Variants in CDH18 observed in about 807,000 individuals in gnomAD.
CDH18 encodes cadherin 18, also known as cadherin-18.
A neutral mutation model predicts 67.9 loss-of-function variants in CDH18; 31 were observed. That is an observed-to-expected ratio of 0.46 (90% CI 0.34 to 0.62). The LOEUF (loss-of-function observed/expected upper bound fraction) is 0.62. Among genes scored for constraint, CDH18 ranks in the 20% least tolerant of loss-of-function variants. The pLI, the probability that CDH18 is intolerant of heterozygous loss-of-function variation, is 0.01. For missense variants in CDH18, 890 were observed against 975.5 expected (o/e 0.91, Z 1.17); for synonymous variants, 362 against 347.2 (o/e 1.04, Z -0.48).
chr5:20,196,555 T>A (rs1039726802), intron 2 of CDH18, among the ~76,000 whole-genome samples: 6 of 152,180 alleles, frequency 3.9e-5, no homozygotes, highest in African/African-American at 1.4e-4. Flanking sequence ...CAGAGAAAAA[T>A]AACTTCAACT....
intron 2 of CDH18, among the ~76,000 whole-genome samples, chr5:20,063,293 A>T (rs1051446513): frequency 2.0e-5 from 3 of 151,714 alleles, no homozygotes; most frequent in East Asian, 3.8e-4. Flanking sequence ...ATAAAACTAT[A>T]AGCCACTGTA....
intron 1 of CDH18, among the ~76,000 whole-genome samples, chr5:20,420,628 A>G (rs1747789435): frequency 6.6e-6 from 1 of 151,158 alleles, no homozygotes; most frequent in Non-Finnish European, 1.5e-5. Context: ...CAAAAGACAT[A>G]AATAAGGTCT....
intron 1 of CDH18, among the ~76,000 whole-genome samples, chr5:19,982,886 T>C (rs545273486): frequency 3.3e-5 from 5 of 151,920 alleles, no homozygotes; most frequent in Admixed American, 2.0e-4. Context: ...CTACTAATAA[T>C]ACAAAAAATT....
chr5:20,317,897 T>C (rs1173566324), intron 1 of CDH18, among the ~76,000 whole-genome samples: 1 of 152,204 alleles, frequency 6.6e-6, no homozygotes, highest in African/African-American at 2.4e-5. Flanking sequence ...TGCAATGTTC[T>C]ACTAAAAACT....
chr5:20,224,799 G>A (rs1397668918), intron 2 of CDH18, among the ~76,000 whole-genome samples: 2 of 151,968 alleles, frequency 1.3e-5, no homozygotes, highest in East Asian at 1.9e-4. Flanking sequence ...GCAAGAGTGT[G>A]CTTTGAAATG....
intron 9 of CDH18, among the ~76,000 whole-genome samples, chr5:19,538,583 G>A (rs938412428): frequency 2.6e-5 from 4 of 151,954 alleles, no homozygotes; most frequent in Non-Finnish European, 2.9e-5. Flanking sequence ...CAAAATAAAC[G>A]TTAGTGAGCT....
intron 1 of CDH18, among the ~76,000 whole-genome samples, chr5:20,560,429 T>C (rs1055849156): frequency 4.0e-5 from 6 of 150,638 alleles, no homozygotes; most frequent in Non-Finnish European, 8.9e-5. Context: ...TTAGGAATCA[T>C]CTAATGACTT....
upstream of CDH18, among the ~76,000 whole-genome samples, chr5:19,990,644 C>G (rs1799928911): frequency 6.6e-6 from 1 of 152,180 alleles, no homozygotes; most frequent in African/African-American, 2.4e-5. Flanking sequence ...GATGCATACA[C>G]ACTGGGTTTA....
chr5:19,733,126 G>A lies in CDH18; in HGVS notation c.524-11660C>T, dbSNP rs1172306452. ...AGGCAGAGAAATCCTAGGCATACCA[G>A]GGGTGGGCATCCCATGAAACCTCAT... On this transcript the variant is annotated intron_variant, in intron 4 of 12. Transcript: ENST00000382275. Among the ~76,000 whole-genome samples, 9 of 152,098 alleles carry A rather than the reference G, an allele frequency of 5.9e-5. No individual in the cohort carries two copies. In the East Asian group the frequency reaches 1.7e-3, roughly 29 times the overall value.
intron 2 of CDH18, among the ~76,000 whole-genome samples, chr5:19,906,982 T>C (rs1196942001): frequency 1.3e-5 from 2 of 151,978 alleles, no homozygotes; most frequent in Admixed American, 1.3e-4. Context: ...GAAAGATAAC[T>C]TTCAAATGAT....
chr5:20,117,038 T>TGG (rs1747982223), intron 2 of CDH18, among the ~76,000 whole-genome samples: 1 of 152,062 alleles, frequency 6.6e-6, no homozygotes, highest in African/African-American at 2.4e-5. Context: ...TGAGTGTGTG[T>TGG]GTGTGTGTGT....
chr5:19,881,432 T>C (rs1324671876), intron 2 of CDH18, among the ~76,000 whole-genome samples: 4 of 152,064 alleles, frequency 2.6e-5, no homozygotes, highest in African/African-American at 7.2e-5. Context: ...ATCAGTTTTG[T>C]ATCTGGTCAA....
At chr5:20,124,025 G>T (rs543638507) in intron 2 of CDH18, among the ~76,000 whole-genome samples, 1 of 152,060 alleles carries the variant, frequency 6.6e-6, no homozygotes, top group South Asian at 2.1e-4. Context: ...AAATATATAT[G>T]TATAAAATTT....
At chr5:20,258,677 C>A (rs1744421577) in intron 1 of CDH18, among the ~76,000 whole-genome samples, 1 of 151,862 alleles carries the variant, frequency 6.6e-6, no homozygotes, top group South Asian at 2.1e-4. Context: ...ATTCAATGCC[C>A]AATTCTTACA....
intron 1 of CDH18, among the ~76,000 whole-genome samples, chr5:20,502,365 A>C (rs1754389162): frequency 6.6e-6 from 1 of 152,162 alleles, no homozygotes; most frequent in African/African-American, 2.4e-5. Flanking sequence ...GCAGCAACCA[A>C]AAACTGCCTC....
intron 1 of CDH18, among the ~76,000 whole-genome samples, chr5:20,510,499 A>G (rs1334760118): frequency 6.6e-6 from 1 of 152,116 alleles, no homozygotes; most frequent in Non-Finnish European, 1.5e-5. Context: ...ACTATTATCT[A>G]ATCGTTTTAA....
chr5:20,149,861 A>T (rs1561831600), intron 2 of CDH18, among the ~76,000 whole-genome samples: 1 of 152,152 alleles, frequency 6.6e-6, no homozygotes, highest in African/African-American at 2.4e-5. Flanking sequence ...GGAAAGAAAA[A>T]TAGAGAAGAT....
At chr5:20,152,400 T>C (rs1751196139) in intron 2 of CDH18, among the ~76,000 whole-genome samples, 1 of 151,450 alleles carries the variant, frequency 6.6e-6, no homozygotes, top group African/African-American at 2.4e-5. Flanking sequence ...ATATTGCACA[T>C]TTGTATACAG....
At chr5:19,595,678 T>A (rs115337747) in intron 6 of CDH18, among the ~76,000 whole-genome samples, 1,772 of 152,322 alleles carry the variant, frequency 0.012, 32 homozygotes, top group African/African-American at 0.041. Flanking sequence ...TAATTTTAAA[T>A]GTGCATGTAT....
Sources: allele counts gnomAD v4.1 joint callset (sites outside exome capture counted in the v4.1 genomes callset), GRCh38; gene constraint gnomAD v4.1.1; transcripts MANE v1.5; gene names NCBI Gene and HGNC (gene_info 2026-07-23, HGNC 2026-07-21).